MRTFA: variants seen among roughly 807,000 people sequenced by gnomAD.
MRTFA encodes the protein myocardin related transcription factor A, also known as myocardin-related transcription factor A.
MRTFA carries 20 observed loss-of-function variants against 83.5 expected under a neutral mutation model. The ratio of observed to expected loss-of-function variants is 0.24; its 90% CI spans 0.17 to 0.35. MRTFA has a LOEUF of 0.35. Ranked by LOEUF, MRTFA falls within the 10% of genes least tolerant of loss-of-function variation. The pLI is 1.00. For missense variants in MRTFA, 1,200 were observed against 1,224.7 expected (o/e 0.98, Z 0.30); for synonymous variants, 659 against 541.2 (o/e 1.22, Z -3.02).
chr22:40,427,819 T>A (rs535014490), intron 7 of MRTFA, among the ~76,000 whole-genome samples: 1 of 152,232 alleles, frequency 6.6e-6, no homozygotes, highest in East Asian at 1.9e-4. Context: ...ATTAGAGGAT[T>A]AGAGGACTGG....
intron 4 of MRTFA, among the ~76,000 whole-genome samples, chr22:40,457,489 G>A (rs9619872): frequency 0.033 from 2,141 of 65,666 alleles, 31 homozygotes; most frequent in East Asian, 0.14. Flanking sequence ...AAAGAAAGAA[G>A]GAAAGAAAGA....
intron 1 of MRTFA, among the ~76,000 whole-genome samples, chr22:40,598,885 G>A (rs1300610298): frequency 6.6e-6 from 1 of 151,826 alleles, no homozygotes; most frequent in South Asian, 2.1e-4. Context: ...CAGCTACTTG[G>A]GAGGCTGAGG....
In MRTFA at chr22:40,625,993, C is replaced by CT. The variant is rs1210956331; in HGVS notation, c.-84+10484dup. ...TGGACAAAAAAGAAAATAACCCTTA[C>CT]TTTTTTTTTTGAAAGTGTCTCACTC... On this transcript the variant is annotated intron_variant, in intron 1 of 14. Coordinates refer to ENST00000355630, the MANE Select transcript of MRTFA (RefSeq NM_020831.6). Among the ~76,000 whole-genome samples, 1,130 of 149,344 alleles carry CT rather than the reference C, an allele frequency of 7.6e-3. 14 individuals are homozygous for CT. Among genetic ancestry groups the CT allele is most frequent in the African/African-American group, 0.026 (1,074 of 40,740 alleles).
chr22:40,515,197 G>A (rs563177520), intron 3 of MRTFA, among the ~76,000 whole-genome samples: 6 of 151,938 alleles, frequency 3.9e-5, no homozygotes, highest in African/African-American at 1.5e-4. Flanking sequence ...CTGAGCCACT[G>A]TGCCCGGCCT....
At chr22:40,461,967 C>A (rs2053722415) in intron 4 of MRTFA, among the ~76,000 whole-genome samples, 1 of 152,204 alleles carries the variant, frequency 6.6e-6, no homozygotes, top group African/African-American at 2.4e-5. Context: ...CAACTTCTGG[C>A]CTGCACCAGG....
Position 40,562,222 on chromosome 22 carries a change from A to T in MRTFA, c.-21-9855T>A, listed in dbSNP as rs1483947838. Among the ~76,000 whole-genome samples, 195 of 151,696 alleles carry T rather than the reference A, an allele frequency of 1.3e-3. 4 individuals carry two copies. In the East Asian group the frequency reaches 0.036, roughly 28 times the overall value. ...ATAGAGCGAGACTCCATCTCAAAAA[A>T]AAAAAAAAAAAGAGGTCTCATGACT... is the stretch of plus-strand genomic sequence containing the variant. On this transcript the variant is annotated intron_variant, in intron 2 of 14. Transcript: ENST00000355630.
intron 4 of MRTFA, among the ~76,000 whole-genome samples, chr22:40,461,628 CAAAAAAAAAAAA>C (rs71199287): frequency 2.0e-5 from 2 of 100,386 alleles, no homozygotes; most frequent in African/African-American, 3.7e-5. Flanking sequence ...ACTAAAAATA[CAAAAAAAAAAAA>C]AAAAAAAAAT....
chr22:40,445,738 C>T (rs921485125), intron 4 of MRTFA, among the ~76,000 whole-genome samples: 7 of 152,100 alleles, frequency 4.6e-5, no homozygotes, highest in African/African-American at 1.4e-4. Flanking sequence ...TTAGTAAAGA[C>T]GGGGTTTCAC....
intron 2 of MRTFA, among the ~76,000 whole-genome samples, chr22:40,558,906 C>T (rs1450667544): frequency 6.6e-6 from 1 of 151,720 alleles, no homozygotes; most frequent in African/African-American, 2.4e-5. Context: ...ATGTCTCAGC[C>T]TCCCGAGTAG....
At chr22:40,527,018 CG>C (rs1439510935) in intron 3 of MRTFA, among the ~76,000 whole-genome samples, 1 of 151,722 alleles carries the variant, frequency 6.6e-6, no homozygotes, top group Non-Finnish European at 1.5e-5. Context: ...TCCAGCTACT[CG>C]GGAGGCTGAG....
rs1569275932 is a variant in MRTFA, at chr22:40,457,477, A to AGAAAGAAAGAAAGAAAGAAAGAAG, written c.307+5743_307+5744insCTTCTTTCTTTCTTTCTTTCTTTC. ...AAGAAAGAAAGAAAGAAAGAAAGAA[A>AGAAAGAAAGAAAGAAAGAAAGAAG]GAAAGAAAGAAGGAAAGAAAGAAAG... On this transcript the variant is annotated intron_variant, in intron 4 of 14. Transcript: ENST00000355630. 5.5e-5 allele frequency among the ~76,000 whole-genome samples: 8 copies of AGAAAGAAAGAAAGAAAGAAAGAAG among 145,876 alleles called. No individual in the cohort carries two copies. In the East Asian group the frequency reaches 1.8e-3, roughly 34 times the overall value.
At chr22:40,504,381 C>G (rs1471245581) in intron 3 of MRTFA, among the ~76,000 whole-genome samples, 1 of 152,122 alleles carries the variant, frequency 6.6e-6, no homozygotes, top group Admixed American at 6.5e-5. Flanking sequence ...TAAAAAAATA[C>G]AAAGACTTAA....
At chr22:40,569,883 T>C (rs1173504639) in intron 2 of MRTFA, 1 of 155,024 alleles carries the variant, frequency 6.5e-6, no homozygotes, top group African/African-American at 2.4e-5. Context: ...AGAAGGCACA[T>C]TTCTTGGGAA....
intron 3 of MRTFA, chr22:40,533,828 G>C (rs969613133): frequency 1.6e-4 from 62 of 390,934 alleles, no homozygotes; most frequent in African/African-American, 1.2e-3. Context: ...ACACAGATTT[G>C]AATTACTGCC....
intron 3 of MRTFA, among the ~76,000 whole-genome samples, chr22:40,501,978 G>C (rs1226291721): frequency 8.6e-6 from 1 of 115,740 alleles, no homozygotes; most frequent in African/African-American, 3.6e-5. Context: ...GGCCGGGCGG[G>C]GGGCTGACCC....
At chr22:40,429,204 G>A (rs2053017526) in intron 7 of MRTFA, 1 of 576,428 alleles carries the variant, frequency 1.7e-6, no homozygotes, top group Admixed American at 3.1e-5. Context: ...AAATATCCGT[G>A]GAAAGGGCCA....
intron 14 of MRTFA, chr22:40,415,348 C>T (rs148674778): frequency 6.6e-6 from 1 of 152,408 alleles, no homozygotes; most frequent in East Asian, 1.9e-4. Context: ...ACCCCAGGGA[C>T]CCAGGGATTC....
At chr22:40,570,164 A>G (rs1169119153) in intron 2 of MRTFA, among the ~76,000 whole-genome samples, 2 of 152,192 alleles carry the variant, frequency 1.3e-5, no homozygotes, top group African/African-American at 4.8e-5. Flanking sequence ...AGCTAAATAC[A>G]TATCAGAAGG....
intron 3 of MRTFA, among the ~76,000 whole-genome samples, chr22:40,470,800 T>G (rs1602297129): frequency 6.6e-6 from 1 of 150,760 alleles, no homozygotes; most frequent in African/African-American, 2.4e-5. Context: ...AATACAAAAA[T>G]TAGCCAGGTG....
Sources: allele counts gnomAD v4.1 joint callset (sites outside exome capture counted in the v4.1 genomes callset), GRCh38; gene constraint gnomAD v4.1.1; transcripts MANE v1.5; gene names NCBI Gene and HGNC (gene_info 2026-07-23, HGNC 2026-07-21).